ARHGEF37: variants seen among roughly 807,000 people sequenced by gnomAD.
ARHGEF37 encodes the protein Rho guanine nucleotide exchange factor (GEF) 37.
In ARHGEF37, 55 loss-of-function variants were observed where a neutral mutation model predicts 71.1. The observed-to-expected ratio is 0.77, with a 90% CI of 0.62 to 0.97. ARHGEF37 has a LOEUF of 0.97. Among genes scored for constraint, ARHGEF37 ranks in the 50% least tolerant of loss-of-function variants. The probability of loss-of-function intolerance (pLI) is 0.00; values close to 1 mark genes in which losing one functional copy is unlikely to be tolerated. For synonymous variants in ARHGEF37, 327 were observed against 350.6 expected (o/e 0.93, Z 0.75); for missense variants, 765 against 836.8 (o/e 0.91, Z 1.06).
intron 1 of ARHGEF37, among the ~76,000 whole-genome samples, chr5:149,556,808 T>C (rs910727837): frequency 6.6e-6 from 1 of 152,204 alleles, no homozygotes; most frequent in African/African-American, 2.4e-5. Context: ...CAGGTGTGAG[T>C]CACCAGTGTC....
intron 1 of ARHGEF37, among the ~76,000 whole-genome samples, chr5:149,556,729 A>T (rs952287218): frequency 2.6e-5 from 4 of 152,044 alleles, no homozygotes; most frequent in African/African-American, 9.7e-5. Context: ...CTCCGTGTTG[A>T]CCAGGCTGGT....
intron 1 of ARHGEF37, among the ~76,000 whole-genome samples, chr5:149,561,636 C>CA (rs1164048173): frequency 6.6e-6 from 1 of 152,056 alleles, no homozygotes; most frequent in African/African-American, 2.4e-5. Context: ...TTGAGAAGCA[C>CA]AAAAAAAGAC....
intron 1 of ARHGEF37, among the ~76,000 whole-genome samples, chr5:149,594,450 T>A (rs1763490484): frequency 6.6e-6 from 1 of 152,228 alleles, no homozygotes; most frequent in South Asian, 2.1e-4. Flanking sequence ...TGTTTCAGGA[T>A]CTTTCTGGGC....
chr5:149,611,889 T>C (rs1480880020), intron 4 of ARHGEF37, among the ~76,000 whole-genome samples: 1 of 152,100 alleles, frequency 6.6e-6, no homozygotes, highest in Non-Finnish European at 1.5e-5. Flanking sequence ...TCTACCTATA[T>C]ATGTAACTGA....
intron 1 of ARHGEF37, among the ~76,000 whole-genome samples, chr5:149,557,216 T>C (rs1314596620): frequency 6.6e-6 from 1 of 152,162 alleles, no homozygotes; most frequent in Non-Finnish European, 1.5e-5. Context: ...GAAACCAAGA[T>C]GGTGGATACC....
At chr5:149,589,746 CG>C (rs1561791000) in intron 1 of ARHGEF37, among the ~76,000 whole-genome samples, 1 of 152,040 alleles carries the variant, frequency 6.6e-6, no homozygotes, top group Non-Finnish European at 1.5e-5. Context: ...GTGATCCTCC[CG>C]ACCTAAGGTG....
At chr5:149,614,050 C>G (rs1265900801) in intron 4 of ARHGEF37, among the ~76,000 whole-genome samples, 1 of 152,166 alleles carries the variant, frequency 6.6e-6, no homozygotes, top group South Asian at 2.1e-4. Context: ...AAGCATGAGC[C>G]ACTGCGCCCA....
chr5:149,565,098 A>T (rs749961401), intron 1 of ARHGEF37, among the ~76,000 whole-genome samples: 1 of 152,232 alleles, frequency 6.6e-6, no homozygotes, highest in Admixed American at 6.5e-5. Context: ...GGCAAGTGTT[A>T]GGAGATTGAG....
At chr5:149,597,034 AT>A (rs1763565306) in intron 1 of ARHGEF37, among the ~76,000 whole-genome samples, 1 of 152,044 alleles carries the variant, frequency 6.6e-6, no homozygotes, top group Non-Finnish European at 1.5e-5. Context: ...ATTAGGAAGG[AT>A]GACTCTGAGG....
Position 149,632,718 on chromosome 5 carries a change from G to GACC in ARHGEF37, c.*528_*530dup, listed in dbSNP as rs1232732205. ...GGAAGCTGAGTTTATCTTGGGCAGT[G>GACC]ACCCACTGGGAGCCCTCTCAAGTGG... On this transcript the variant is annotated 3_prime_UTR_variant, in exon 13 of 13. Coordinates refer to ENST00000333677, the MANE Select transcript of ARHGEF37 (RefSeq NM_001001669.3). 6.3e-6 allele frequency: 1 copy of GACC among 158,620 alleles called. No individual in the cohort carries two copies. Among genetic ancestry groups the GACC allele is most frequent in the African/African-American group, 2.4e-5 (1 of 41,606 alleles). The allele number at this position is 158,620 out of a possible 1,614,324, so 9.8% of individuals were successfully genotyped here.
chr5:149,568,553 G>A (rs898581234), intron 1 of ARHGEF37, among the ~76,000 whole-genome samples: 2 of 152,026 alleles, frequency 1.3e-5, no homozygotes, highest in African/African-American at 2.4e-5. Context: ...CATTGGCCGC[G>A]TGGTGACTGA....
At position 149,621,926 on chromosome 5, in the gene ARHGEF37, C is replaced by G; in HGVS notation, c.1199C>G (p.Ser400Trp). Reference sequence around the variant, plus strand: ...CGGCACACATACCAGGCACTCAACTCGCTGCTAGTGGCTGAGCTCCCACAG... The same window carrying G: ...CGGCACACATACCAGGCACTCAACTGGCTGCTAGTGGCTGAGCTCCCACAG... ...AARHTYQALN[S>W]LLVAELPQFN... The change falls in exon 9 of 13, where the codon TCG (serine) becomes TGG (tryptophan). Residue 400 changes from serine to tryptophan, a missense_variant. This residue lies in a region of ARHGEF37 where 390 missense variants were observed against 407.4 expected (regional missense o/e 0.96). Transcript: ENST00000333677. The G allele has an allele frequency of 6.2e-7, 1 of 1,614,250 alleles. No individual in the cohort carries two copies. Among genetic ancestry groups the G allele is most frequent in the South Asian group, 1.1e-5 (1 of 91,092 alleles).
chr5:149,616,404 T>C (rs1308193847), intron 4 of ARHGEF37, among the ~76,000 whole-genome samples, 163 bp from the exon 5 acceptor site: 1 of 152,142 alleles, frequency 6.6e-6, no homozygotes, highest in Non-Finnish European at 1.5e-5. Context: ...GCCTAACATC[T>C]AGAACTCACA....
rs79209160 is a variant in ARHGEF37 at position 149,612,834 on chromosome 5, G to C, written c.458+3139G>C. 5.9e-3 allele frequency among the ~76,000 whole-genome samples: 898 copies of C among 152,354 alleles called. 10 individuals are homozygous for C. The highest frequency in any genetic ancestry group is 0.02 in the African/African-American group (832 of 41,592). On this transcript the variant is annotated intron_variant, in intron 4 of 12. Coordinates refer to ENST00000333677, the MANE Select transcript of ARHGEF37 (RefSeq NM_001001669.3). ...AACTAGTTCTTTCTCAGTCTGCTATGATAGATGGCACCAGGTTATTAGATT... is the reference window on the plus strand; with the variant it reads ...AACTAGTTCTTTCTCAGTCTGCTATCATAGATGGCACCAGGTTATTAGATT...
intron 1 of ARHGEF37, among the ~76,000 whole-genome samples, chr5:149,572,291 A>T (rs1762977387): frequency 6.6e-6 from 1 of 152,190 alleles, no homozygotes; most frequent in Non-Finnish European, 1.5e-5. Flanking sequence ...TTATCCTCTT[A>T]TGTAACATGG....
chr5:149,605,004 A>T (rs891823643), intron 3 of ARHGEF37, among the ~76,000 whole-genome samples: 1 of 151,834 alleles, frequency 6.6e-6, no homozygotes, highest in African/African-American at 2.4e-5. Context: ...AGGCAGATAG[A>T]TCACCTGAGG....
intron 5 of ARHGEF37, among the ~76,000 whole-genome samples, chr5:149,617,510 C>G (rs990306430): frequency 7.2e-5 from 11 of 152,248 alleles, no homozygotes; most frequent in Admixed American, 5.9e-4. Context: ...TAAGGGCTAG[C>G]TGTGCCATGC....
chr5:149,601,233 T>G lies in ARHGEF37; in HGVS notation c.310+2T>G. 1.9e-6 allele frequency: 3 copies of G among 1,610,200 alleles called. No individual in the cohort carries two copies. The highest frequency in any genetic ancestry group is 2.5e-6 in the Non-Finnish European group (3 of 1,177,260). ...AAGAGGAACAAGTGCAGCTAGTTGG[T>G]AAGCAAAAAACCTAAGGAGTTGTCA... On this transcript the variant is annotated splice_donor_variant, in intron 3 of 12. Coordinates refer to ENST00000333677, the MANE Select transcript of ARHGEF37 (RefSeq NM_001001669.3). LOFTEE classifies it high-confidence loss of function.
chr5:149,629,081 G>T, intron 12 of ARHGEF37, 115 bp downstream of exon 12: 1 of 1,325,450 alleles, frequency 7.5e-7, no homozygotes, highest in Non-Finnish European at 1.0e-6. Context: ...CTGCCACTCT[G>T]TGAGACCAAG....
Sources: allele counts gnomAD v4.1 joint callset (sites outside exome capture counted in the v4.1 genomes callset), GRCh38; gene constraint gnomAD v4.1.1; regional missense constraint gnomAD v4.1.1; transcripts MANE v1.5; gene names NCBI Gene and HGNC (gene_info 2026-07-23, HGNC 2026-07-21).